THSD7B: variants seen among roughly 807,000 people sequenced by gnomAD.
THSD7B encodes the protein thrombospondin type-1 domain-containing protein 7B.
THSD7B carries 138 observed loss-of-function variants against 213.6 expected under a neutral mutation model. That is an observed-to-expected ratio of 0.65 (90% CI 0.56 to 0.74). THSD7B has a LOEUF of 0.74. Ranked by LOEUF, THSD7B falls within the 30% of genes least tolerant of loss-of-function variation. The pLI is 0.00. For synonymous variants in THSD7B, 742 were observed against 687.0 expected (o/e 1.08, Z -1.25); for missense variants, 1,931 against 1,991.5 (o/e 0.97, Z 0.58).
chr2:137,548,798 C>A lies in THSD7B; in HGVS notation c.3139-14423C>A, dbSNP rs140158557. ...TGTCCATTTGTACTTAATAGTCCAG[C>A]CATACAAATGTAGGATTTCTCTGCC... On this transcript the variant is annotated intron_variant, in intron 15 of 27. Coordinates refer to ENST00000409968, the MANE Select transcript of THSD7B (RefSeq NM_001316349.2). Among the ~76,000 whole-genome samples, 466 of 152,100 alleles carry A rather than the reference C, an allele frequency of 3.1e-3. 5 individuals carry two copies. The highest frequency in any genetic ancestry group is 2.1e-3 in the Non-Finnish European group (140 of 67,954).
intron 14 of THSD7B, among the ~76,000 whole-genome samples, chr2:137,431,770 C>T (rs1380215706): frequency 1.3e-5 from 2 of 151,910 alleles, no homozygotes; most frequent in African/African-American, 4.8e-5. Flanking sequence ...ATGAAGAAAA[C>T]ACAACTAAAA....
intron 2 of THSD7B, among the ~76,000 whole-genome samples, chr2:137,020,482 C>T (rs916485770): frequency 6.6e-6 from 1 of 152,166 alleles, no homozygotes; most frequent in African/African-American, 2.4e-5. Context: ...GAACATACCT[C>T]GTGCAAGCCC....
chr2:137,210,699 C>G (rs1031494426), intron 7 of THSD7B, among the ~76,000 whole-genome samples: 2 of 151,876 alleles, frequency 1.3e-5, no homozygotes, highest in African/African-American at 4.8e-5. Flanking sequence ...AGAGGAGTAT[C>G]GAAGACTGCA....
chr2:137,262,557 C>T (rs1258379114), intron 10 of THSD7B, among the ~76,000 whole-genome samples: 1 of 152,158 alleles, frequency 6.6e-6, no homozygotes, highest in Admixed American at 6.5e-5. Flanking sequence ...TATTAACCTT[C>T]CTTGTTTATA....
At chr2:137,341,680 T>C (rs967412977) in intron 12 of THSD7B, among the ~76,000 whole-genome samples, 4 of 151,720 alleles carry the variant, frequency 2.6e-5, no homozygotes, top group African/African-American at 4.8e-5. Flanking sequence ...TTCATTCTTC[T>C]GCATATAGAT....
intron 2 of THSD7B, among the ~76,000 whole-genome samples, chr2:136,958,498 G>A (rs571736411): frequency 3.3e-5 from 5 of 152,256 alleles, no homozygotes; most frequent in South Asian, 2.1e-4. Flanking sequence ...CTGGGATGAT[G>A]GAGCCAAGTC....
intron 15 of THSD7B, among the ~76,000 whole-genome samples, chr2:137,509,411 C>T (rs1004302027): frequency 6.6e-6 from 1 of 151,172 alleles, no homozygotes; most frequent in African/African-American, 2.4e-5. Flanking sequence ...TATTTATTCA[C>T]ATTAAAATTT....
intron 2 of THSD7B, among the ~76,000 whole-genome samples, chr2:136,892,043 C>G (rs913158620): frequency 6.6e-6 from 1 of 152,140 alleles, no homozygotes; most frequent in Admixed American, 6.6e-5. Context: ...GTATCCCTTT[C>G]TCTCTGTGTG....
At chr2:137,533,225 A>C (rs1680432857) in intron 15 of THSD7B, among the ~76,000 whole-genome samples, 1 of 151,842 alleles carries the variant, frequency 6.6e-6, no homozygotes, top group Non-Finnish European at 1.5e-5. Flanking sequence ...TTTCTGACTC[A>C]TTCCTCTCGT....
chr2:137,405,869 A>G (rs1379878679), intron 13 of THSD7B, 62 bp downstream of exon 13: 1 of 1,445,302 alleles, frequency 6.9e-7, no homozygotes, highest in Non-Finnish European at 9.3e-7. Context: ...TCTTTTGTGT[A>G]GAATATGAGG....
chr2:137,548,559 T>C (rs1023431126), intron 15 of THSD7B, among the ~76,000 whole-genome samples: 3 of 152,032 alleles, frequency 2.0e-5, no homozygotes, highest in African/African-American at 4.8e-5. Flanking sequence ...TTAGTAACTC[T>C]CATTGTCCAC....
chr2:137,636,558 GA>G (rs891194383), intron 20 of THSD7B, among the ~76,000 whole-genome samples: 1 of 152,010 alleles, frequency 6.6e-6, no homozygotes, highest in Admixed American at 6.6e-5. Context: ...TTTAGTTTCA[GA>G]AAAAAGTCTC....
At position 137,313,905 on chromosome 2, in the gene THSD7B, C is replaced by T. The variant is rs866365492; in HGVS notation, c.2500+37879C>T. ...TTAGTCTGATGGGCTTCCCTTTGAG[C>T]GTAACCCGACCTTTCTCTCTGGCTG... On this transcript the variant is annotated intron_variant, in intron 12 of 27. Transcript: ENST00000409968. 5.9e-5 allele frequency among the ~76,000 whole-genome samples: 9 copies of T among 152,062 alleles called. No homozygotes were observed. The South Asian group carries it at 6.2e-4, about 11-fold the overall frequency.
chr2:137,012,297 A>G (rs1038865055), intron 2 of THSD7B, among the ~76,000 whole-genome samples: 5 of 152,294 alleles, frequency 3.3e-5, no homozygotes, highest in African/African-American at 1.2e-4. Context: ...GAGTCTGACC[A>G]CTTTAAAAAT....
At chr2:136,903,650 C>A (rs1438348421) in intron 2 of THSD7B, among the ~76,000 whole-genome samples, 1 of 152,110 alleles carries the variant, frequency 6.6e-6, no homozygotes, top group Non-Finnish European at 1.5e-5. Context: ...ACCCTTCAAC[C>A]CAAAGGATCA....
At chr2:137,391,863 C>T (rs1211197613) in intron 12 of THSD7B, among the ~76,000 whole-genome samples, 1 of 151,970 alleles carries the variant, frequency 6.6e-6, no homozygotes, top group Non-Finnish European at 1.5e-5. Flanking sequence ...TTTATACTTT[C>T]TTGATGTGGG....
At chr2:137,598,082 C>T (rs988945653) in intron 17 of THSD7B, among the ~76,000 whole-genome samples, 2 of 152,054 alleles carry the variant, frequency 1.3e-5, no homozygotes, top group African/African-American at 2.4e-5. Context: ...CCCCATCTTT[C>T]TTTTTTTCTG....
intron 15 of THSD7B, among the ~76,000 whole-genome samples, chr2:137,503,831 C>A (rs943779382): frequency 6.6e-6 from 1 of 151,916 alleles, no homozygotes; most frequent in Non-Finnish European, 1.5e-5. Flanking sequence ...TCAAGACTAT[C>A]CTGGCCAACA....
intron 12 of THSD7B, among the ~76,000 whole-genome samples, chr2:137,301,572 A>G (rs1460848361): frequency 6.6e-6 from 1 of 151,922 alleles, no homozygotes; most frequent in Non-Finnish European, 1.5e-5. Context: ...ATGGCTCAAT[A>G]TAAATATATT....
Sources: gnomAD v4.1 joint callset for allele counts (sites outside exome capture counted in the v4.1 genomes callset) on GRCh38, gnomAD v4.1.1 for gene constraint, MANE v1.5 for transcripts, NCBI Gene and HGNC (gene_info 2026-07-23, HGNC 2026-07-21) for gene names.